Variants in RAD52 observed in about 807,000 individuals in gnomAD.
RAD52 encodes DNA repair protein RAD52 homolog.
A neutral mutation model predicts 55.5 loss-of-function variants in RAD52; 47 were observed. The observed-to-expected ratio is 0.85, with a 90% CI of 0.67 to 1.08. The LOEUF (loss-of-function observed/expected upper bound fraction) is 1.08, where lower values mean the gene tolerates loss of function less well. Among genes scored for constraint, RAD52 ranks in the 50% least tolerant of loss-of-function variants. The pLI is 0.00. For missense variants in RAD52, 468 were observed against 522.8 expected, an observed-to-expected ratio of 0.90 and a Z score of 1.02; for synonymous variants, 184 against 198.9, an observed-to-expected ratio of 0.92 and a Z score of 0.63.
rs539397971 is a variant in RAD52, at chr12:967,549, C to A, written c.-19+22260G>T. On this transcript the variant is annotated intron_variant, in intron 1 of 11. Transcript: ENST00000430095. ...TTACGGTTATTGTGTTCTTCATTTT[C>A]TTTAGCATTTTATCACCTATATGCA... 2.6e-5 allele frequency among the ~76,000 whole-genome samples: 4 copies of A among 152,024 alleles called. No homozygotes were observed. In the East Asian group the frequency reaches 7.7e-4, roughly 29 times the overall value.
chr12:914,565 A>T (rs904911947), intron 9 of RAD52, 33 bp from the exon 10 acceptor site: 13 of 1,611,108 alleles, frequency 8.1e-6, no homozygotes, highest in Non-Finnish European at 1.1e-5. Flanking sequence ...AGGACAAGTC[A>T]TCATCACATC....
Position 927,204 on chromosome 12 carries a change from A to C in RAD52, c.408T>G (p.Ala136=), listed in dbSNP as rs369896416. ...YGVSEGLKSK[A]LSLEKARKEA... is the part of the protein sequence containing the mutation. ...CCTTCCTTGCCTTCTCCAAAGATAA[A>C]GCCTTGGACTTGAGGCCCTCACTAA... Residue 136 remains alanine (A), a synonymous_variant, in exon 6 of 12, where the codon GCT becomes GCG. Transcript: ENST00000358495. The C allele has an allele frequency of 1.7e-5, 27 of 1,614,028 alleles. No individual in the cohort carries two copies. The highest frequency in any genetic ancestry group is 3.3e-5 in the Admixed American group (2 of 59,988).
chr12:913,463 CA>C lies in RAD52; in HGVS notation c.1196-12del. On this transcript the variant is annotated splice_polypyrimidine_tract_variant and intron_variant, in intron 11 of 11. Coordinates refer to ENST00000358495, the MANE Select transcript of RAD52 (RefSeq NM_134424.4). ...GAGATTCCCAGTTTCCTATGGAAGA[CA>C]AAATGGCTTAAATGTAGCTGCCATA... The C allele has an allele frequency of 6.3e-7, 1 of 1,580,540 alleles. No homozygotes were observed. The highest frequency in any genetic ancestry group is 8.7e-7 in the Non-Finnish European group (1 of 1,152,248).
intron 7 of RAD52, among the ~76,000 whole-genome samples, chr12:923,771 GA>G (rs1305435177): frequency 6.6e-6 from 1 of 151,918 alleles, no homozygotes; most frequent in African/African-American, 2.4e-5. Flanking sequence ...TTTAAAAAAA[GA>G]AAAGGCCGGG....
intron 8 of RAD52, 33 bp downstream of exon 8, chr12:916,606 C>T (rs1956398331): frequency 6.2e-7 from 1 of 1,601,206 alleles, no homozygotes; most frequent in Non-Finnish European, 8.5e-7. Flanking sequence ...CAGGAGGGGC[C>T]GCAGAGGAAA....
rs747225344 is a variant in RAD52, at chr12:916,734, C to T, written c.630G>A (p.Pro210=). 6.2e-6 allele frequency: 10 copies of T among 1,614,114 alleles called. No homozygotes were observed. The highest frequency in any genetic ancestry group is 1.7e-4 in the Middle Eastern group (1 of 6,054). ...VEEARYNSCR[P]NMALGHPQLQ... ...GCTGTGGGTGTCCCAGGGCCATGTT[C>T]GGTCGGCAGCTGTTGTATCTTGCCT... The change falls in exon 8 of 12, where the codon CCG becomes CCA. Residue 210 remains proline (P), a synonymous_variant. Coordinates refer to ENST00000358495, the MANE Select transcript of RAD52 (RefSeq NM_134424.4).
intron 1 of RAD52, among the ~76,000 whole-genome samples, chr12:957,722 G>A (rs954568365): frequency 5.3e-5 from 8 of 152,106 alleles, no homozygotes; most frequent in African/African-American, 1.2e-4. Context: ...CCCAGGAGGC[G>A]GAGGTTGCAG....
chr12:974,582 T>C (rs953392171), intron 1 of RAD52: 1 of 152,320 alleles, frequency 6.6e-6, no homozygotes, highest in East Asian at 1.9e-4. Flanking sequence ...GCCTGCTCTG[T>C]GAGAGAAATG....
intron 1 of RAD52, chr12:975,267 T>C (rs1199807065): frequency 4.6e-5 from 7 of 152,078 alleles, no homozygotes; most frequent in Non-Finnish European, 8.8e-5. Flanking sequence ...AGGGGACTAC[T>C]GTAAAGAACT....
Position 916,419 on chromosome 12 carries a change from G to A in RAD52, c.790C>T (p.Leu264=), listed in dbSNP as rs2154108572. The A allele has an allele frequency of 1.2e-6, 2 of 1,608,354 alleles. No individual in the cohort carries two copies. The highest frequency in any genetic ancestry group is 1.7e-6 in the Non-Finnish European group (2 of 1,179,366). ...ATCCGCTCCCGGAACTGCTGCTGCA[G>A]CTGCTTCTGCCGGAGCTTCCGCTGG... ...THQRKLRQKQ[L]QQQFRERMEK... The change falls in exon 9 of 12, where the codon CTG becomes TTG. Residue 264 remains leucine (L), a synonymous_variant. Coordinates refer to ENST00000358495, the MANE Select transcript of RAD52 (RefSeq NM_134424.4).
At chr12:928,278 A>G (rs1441313059) in intron 5 of RAD52, among the ~76,000 whole-genome samples, 2 of 152,274 alleles carry the variant, frequency 1.3e-5, no homozygotes, top group Admixed American at 6.5e-5. Context: ...TTTGGAGGCC[A>G]AGGCGGGTGG....
intron 1 of RAD52, among the ~76,000 whole-genome samples, chr12:982,062 G>A (rs1959024244): frequency 6.6e-6 from 1 of 152,176 alleles, no homozygotes; most frequent in Admixed American, 6.5e-5. Flanking sequence ...CCTGCAGTTC[G>A]AATGGCAGCC....
At chr12:929,661 A>G (rs1346768190) in intron 5 of RAD52, 158 bp downstream of exon 5, 2 of 809,596 alleles carry the variant, frequency 2.5e-6, no homozygotes, top group South Asian at 1.3e-5. Flanking sequence ...TAGGGAGCAC[A>G]TGAGCAAGAG....
intron 1 of RAD52, among the ~76,000 whole-genome samples, chr12:935,777 C>T (rs145415428): frequency 0.1 from 15,274 of 151,318 alleles, 924 homozygotes; most frequent in Middle Eastern, 0.23. Context: ...CGCTTGAACC[C>T]GGAAGGCGGA....
At chr12:973,320 G>C (rs2107646) in intron 1 of RAD52, among the ~76,000 whole-genome samples, 8 of 152,094 alleles carry the variant, frequency 5.3e-5, no homozygotes, top group South Asian at 2.1e-4. Context: ...CCACCCTCCT[G>C]GGCCTCCCAA....
At chr12:960,928 A>G (rs1958673744) in intron 1 of RAD52, among the ~76,000 whole-genome samples, 1 of 152,186 alleles carries the variant, frequency 6.6e-6, no homozygotes, top group Non-Finnish European at 1.5e-5. Flanking sequence ...CCATGGGAGT[A>G]GGTAAGAGTA....
intron 1 of RAD52, among the ~76,000 whole-genome samples, chr12:981,856 T>A (rs1959021264): frequency 6.6e-6 from 1 of 151,964 alleles, no homozygotes; most frequent in African/African-American, 2.4e-5. Flanking sequence ...AGAATAATTG[T>A]CTTTGGCTTG....
intron 1 of RAD52, among the ~76,000 whole-genome samples, chr12:971,537 G>C (rs1958852510): frequency 6.6e-6 from 1 of 151,944 alleles, no homozygotes; most frequent in African/African-American, 2.4e-5. Context: ...ACCTGAGAAA[G>C]CCTTTGGTCA....
In RAD52 at chr12:920,347, G is replaced by A. The variant is rs539764324; in HGVS notation, c.544-3527C>T. ...CGAGGTGGGCAGATCACGAGGTCAG[G>A]ATATCGAGACCATCCTGGCTAACAT... On this transcript the variant is annotated intron_variant, in intron 7 of 11. Coordinates refer to ENST00000358495, the MANE Select transcript of RAD52 (RefSeq NM_134424.4). Among the ~76,000 whole-genome samples, 43 of 117,756 alleles carry A rather than the reference G, an allele frequency of 3.7e-4. 13 individuals are homozygous for A. The highest frequency in any genetic ancestry group is 1.3e-3 in the African/African-American group (38 of 28,526). 77.3% of individuals were successfully genotyped at this position (117,756 alleles called of 152,430 possible).
Sources: gnomAD v4.1 joint callset for allele counts (sites outside exome capture counted in the v4.1 genomes callset) on GRCh38, gnomAD v4.1.1 for gene constraint, MANE v1.5 for transcripts, NCBI Gene and HGNC (gene_info 2026-07-23, HGNC 2026-07-21) for gene names.